Variants in PRKAA1 observed in about 807,000 individuals in gnomAD.
PRKAA1 encodes 5'-AMP-activated protein kinase catalytic subunit alpha-1.
PRKAA1 carries 23 observed loss-of-function variants against 56.9 expected under a neutral mutation model. The observed-to-expected ratio is 0.40, with a 90% CI of 0.29 to 0.57. PRKAA1 has a LOEUF of 0.57. Among genes scored for constraint, PRKAA1 ranks in the 20% least tolerant of loss-of-function variants. The pLI, the probability that PRKAA1 is intolerant of heterozygous loss-of-function variation, is 0.39. For synonymous variants in PRKAA1, 226 were observed against 227.0 expected, an observed-to-expected ratio of 1.00 and a Z score of 0.04; for missense variants, 413 against 679.7, an observed-to-expected ratio of 0.61 and a Z score of 4.36.
rs1375114846 is a variant in PRKAA1 at position 40,762,769 on chromosome 5, G to C, written c.*9C>G. The stretch of plus-strand genomic sequence containing the variant: ...TATTGCTGCAAAAGAAATAAGCAAA[G>C]TTTTCTGTTTATTGTGCAAGAATTT... On this transcript the variant is annotated 3_prime_UTR_variant, in exon 9 of 9. Coordinates refer to ENST00000397128, the MANE Select transcript of PRKAA1 (RefSeq NM_006251.6). 8 of 1,612,244 alleles carry C rather than the reference G, an allele frequency of 5.0e-6. No individual in the cohort carries two copies. The African/African-American group carries it at 6.7e-5, about 13-fold the overall frequency.
chr5:40,770,747 ATG>A (rs1218107386), intron 4 of PRKAA1, among the ~76,000 whole-genome samples: 1 of 151,710 alleles, frequency 6.6e-6, no homozygotes, highest in African/African-American at 2.4e-5. Context: ...ACGCACCACC[ATG>A]CCCAGCTAAT....
chr5:40,790,404 G>C (rs997089843), intron 1 of PRKAA1, among the ~76,000 whole-genome samples: 1 of 152,184 alleles, frequency 6.6e-6, no homozygotes, highest in African/African-American at 2.4e-5. Context: ...AGTGACAGCA[G>C]TGGGAGTTAT....
At chr5:40,794,451 T>C (rs1744842181) in intron 1 of PRKAA1, among the ~76,000 whole-genome samples, 1 of 152,266 alleles carries the variant, frequency 6.6e-6, no homozygotes, top group Non-Finnish European at 1.5e-5. Context: ...GTCTGTTTAC[T>C]CTGCTGTTCC....
At chr5:40,774,571 T>TTTG (rs1561174693) in intron 3 of PRKAA1, among the ~76,000 whole-genome samples, 1 of 144,912 alleles carries the variant, frequency 6.9e-6, no homozygotes, top group Non-Finnish European at 1.5e-5. Flanking sequence ...TTTTTTTTTT[T>TTTG]GGTAAGGAGA....
chr5:40,770,424 C>CACTG, intron 4 of PRKAA1, among the ~76,000 whole-genome samples: 1 of 151,036 alleles, frequency 6.6e-6, no homozygotes, highest in African/African-American at 2.4e-5. Context: ...CGAGATCGTA[C>CACTG]CACTCCAGCC....
rs59358451 is a variant in PRKAA1, at chr5:40,763,903, A to G, written c.1435+611T>C. ...AACGTGAACCTCATCTAATAATTCTATGCAACCTTCCATAAGCAAAGGTGA... is the reference window on the plus strand; with the variant it reads ...AACGTGAACCTCATCTAATAATTCTGTGCAACCTTCCATAAGCAAAGGTGA... On this transcript the variant is annotated intron_variant, in intron 8 of 8. Transcript: ENST00000397128. 3.1e-3 allele frequency among the ~76,000 whole-genome samples: 479 copies of G among 152,280 alleles called. 3 individuals are homozygous for G. The highest frequency in any genetic ancestry group is 0.011 in the African/African-American group (451 of 41,568).
Position 40,798,368 on chromosome 5 carries a change from G to T in PRKAA1, c.-179C>A. ...CTGGCGGGGCGGGCGGGGGCTGCCAGGAGAATCACCAGTACCCGCCTCCTC... is the reference window on the plus strand; with the variant it reads ...CTGGCGGGGCGGGCGGGGGCTGCCATGAGAATCACCAGTACCCGCCTCCTC... On this transcript the variant is annotated 5_prime_UTR_variant, in exon 1 of 9. In the 5' UTR this introduces an upstream ATG that the reference lacks. Coordinates refer to ENST00000397128, the MANE Select transcript of PRKAA1 (RefSeq NM_006251.6). The T allele has an allele frequency of 3.1e-6, 1 of 320,764 alleles. No individual in the cohort carries two copies. 19.9% of individuals were successfully genotyped at this position (320,764 alleles called of 1,614,324 possible).
chr5:40,774,811 T>G, intron 3 of PRKAA1: 1 of 774,246 alleles, frequency 1.3e-6, no homozygotes, highest in Non-Finnish European at 2.1e-6. Context: ...AACCTGGGTA[T>G]GAGAAAAAGT....
rs1210113400 is a variant in PRKAA1 at position 40,761,444 on chromosome 5, A to G, written c.*1334T>C. ...CATATATACATACACAAACAAACAC[A>G]TATATGCATATATATGCATAACTAG... is the stretch of plus-strand genomic sequence containing the variant. On this transcript the variant is annotated 3_prime_UTR_variant, in exon 9 of 9. Coordinates refer to ENST00000397128, the MANE Select transcript of PRKAA1 (RefSeq NM_006251.6). The G allele has an allele frequency of 6.6e-6, 1 of 152,182 alleles. No individual in the cohort carries two copies. The highest frequency in any genetic ancestry group is 1.9e-4 in the East Asian group (1 of 5,200). 9.4% of individuals were successfully genotyped at this position (152,182 alleles called of 1,614,324 possible).
At chr5:40,796,557 C>T (rs1744936944) in intron 1 of PRKAA1, among the ~76,000 whole-genome samples, 1 of 152,136 alleles carries the variant, frequency 6.6e-6, no homozygotes, top group African/African-American at 2.4e-5. Flanking sequence ...AAACATCTTA[C>T]TGGCCTTATA....
In PRKAA1 at chr5:40,764,855, A is replaced by G; in HGVS notation, c.1205T>C (p.Val402Ala). The G allele has an allele frequency of 6.2e-7, 1 of 1,613,984 alleles. No individual in the cohort carries two copies. Among genetic ancestry groups the G allele is most frequent in the South Asian group, 1.1e-5 (1 of 91,070 alleles). The change falls in exon 7 of 9, where the codon GTA (valine) becomes GCA (alanine). Residue 402 changes from valine (V) to alanine (A), a missense_variant. By Grantham distance (64) the Val-to-Ala change is moderately conservative (BLOSUM62 0). Around this residue, in one of 9 missense-constraint regions of PRKAA1, gnomAD observed 50 missense variants for 87.7 expected, o/e 0.57. Transcript: ENST00000397128. The stretch of plus-strand genomic sequence containing the variant: ...TCCTAAATGCCATTTTGCTTTCCTT[A>G]CACCTTGGTGTTTGGATTTCTGTGG... ...LNPQKSKHQGVRKAKWHLGIR... is the reference protein window; with the variant it reads ...LNPQKSKHQGARKAKWHLGIR...
At chr5:40,789,147 G>A (rs147475847) in intron 1 of PRKAA1, among the ~76,000 whole-genome samples, 2 of 151,808 alleles carry the variant, frequency 1.3e-5, no homozygotes, top group Admixed American at 1.3e-4. Flanking sequence ...GGAGGTCAAG[G>A]CTGCAGTGAG....
intron 1 of PRKAA1, among the ~76,000 whole-genome samples, chr5:40,797,286 A>G (rs1307073902): frequency 6.6e-6 from 1 of 152,250 alleles, no homozygotes; most frequent in Non-Finnish European, 1.5e-5. Flanking sequence ...ACCTTTGAAA[A>G]TAAGTGGAAA....
intron 1 of PRKAA1, among the ~76,000 whole-genome samples, chr5:40,789,507 GTA>G: frequency 6.6e-6 from 1 of 152,288 alleles, no homozygotes; most frequent in Middle Eastern, 3.4e-3. Context: ...CCATTACTGA[GTA>G]TATATCCAAA....
chr5:40,782,754 G>A (rs1404622639), intron 1 of PRKAA1, among the ~76,000 whole-genome samples: 2 of 152,048 alleles, frequency 1.3e-5, no homozygotes, highest in Non-Finnish European at 2.9e-5. Flanking sequence ...AAAAATAGGA[G>A]GGAAGGTGGT....
In PRKAA1 at chr5:40,790,773, C is replaced by T. The variant is rs184128452; in HGVS notation, c.127+7290G>A. The stretch of plus-strand genomic sequence containing the variant: ...CAGGATGGTCTCAATATCTTGAGCT[C>T]GTGATCTGCCCGCCTTAGCCTCCCA... On this transcript the variant is annotated intron_variant, in intron 1 of 8. Transcript: ENST00000397128. Among the ~76,000 whole-genome samples the T allele has an allele frequency of 1.6e-4, 24 of 152,184 alleles. No homozygotes were observed. In the East Asian group the frequency reaches 4.2e-3, roughly 27 times the overall value.
chr5:40,779,694 G>A, intron 1 of PRKAA1, among the ~76,000 whole-genome samples: 1 of 152,008 alleles, frequency 6.6e-6, no homozygotes, highest in Non-Finnish European at 1.5e-5. Flanking sequence ...AACTGCAATG[G>A]GTCACTACCG....
intron 1 of PRKAA1, among the ~76,000 whole-genome samples, chr5:40,787,937 C>T (rs950370005): frequency 6.6e-5 from 10 of 152,100 alleles, no homozygotes; most frequent in African/African-American, 2.4e-4. Context: ...CTCTGCGCTG[C>T]CTATAAAGAG....
intron 1 of PRKAA1, 102 bp downstream of exon 1, chr5:40,797,961 G>C (rs1239559050): frequency 5.9e-6 from 9 of 1,525,118 alleles, no homozygotes; most frequent in African/African-American, 1.4e-5. Context: ...CCCAGCCCTG[G>C]AAAGAAGGGA....
Sources: allele counts gnomAD v4.1 joint callset (sites outside exome capture counted in the v4.1 genomes callset), GRCh38; gene constraint gnomAD v4.1.1; regional missense constraint gnomAD v4.1.1; transcripts MANE v1.5; gene names NCBI Gene and HGNC (gene_info 2026-07-23, HGNC 2026-07-21).